Variants in TAF4B observed in about 807,000 individuals in gnomAD.
The protein encoded by TAF4B is TATA-box binding protein associated factor 4b.
Under a neutral mutation model 86.4 loss-of-function variants are expected in TAF4B, and 38 were observed. The ratio of observed to expected loss-of-function variants is 0.44; its 90% CI spans 0.34 to 0.58. The LOEUF (loss-of-function observed/expected upper bound fraction) is 0.58. Ranked by LOEUF, TAF4B falls within the 20% of genes least tolerant of loss-of-function variation. TAF4B has a pLI of 0.02. For synonymous variants in TAF4B, 388 were observed against 391.2 expected, an observed-to-expected ratio of 0.99 and a Z score of 0.10; for missense variants, 988 against 1,027.6, an observed-to-expected ratio of 0.96 and a Z score of 0.53.
rs115443182 is a variant in TAF4B, at chr18:26,321,195, T to C, written c.2128T>C (p.Tyr710His). The change falls in exon 11 of 15, where the codon TAC becomes CAC. Residue 710 changes from tyrosine (Y) to histidine (H), a missense_variant. Physicochemically the swap from Tyr to His is moderately conservative, Grantham distance 83 (BLOSUM62 2). Around this residue, in one of 3 missense-constraint regions of TAF4B, gnomAD observed 216 missense variants for 238.4 expected, o/e 0.91. Coordinates refer to ENST00000269142, the MANE Select transcript of TAF4B (RefSeq NM_005640.3). Reference sequence around the variant, plus strand: ...AATTGCTCAGCATCGAATGACTACTTACAAGGTAAAGGAAATCATTAAAGA... The same window carrying C: ...AATTGCTCAGCATCGAATGACTACTCACAAGGTAAAGGAAATCATTAAAGA... ...TAIAQHRMTT[Y>H]KASENYILCS... The C allele has an allele frequency of 7.0e-4, 1,133 of 1,613,558 alleles. 9 individuals are homozygous for C. The African/African-American group carries it at 0.014, about 19-fold the overall frequency.
chr18:26,297,514 CT>C (rs1238631687), intron 9 of TAF4B, among the ~76,000 whole-genome samples: 1 of 152,172 alleles, frequency 6.6e-6, no homozygotes, highest in East Asian at 1.9e-4. Context: ...TGCTTTCCCC[CT>C]GGCTTCTCTA....
Position 26,390,497 on chromosome 18 carries a change from T to C in TAF4B, c.*485T>C, listed in dbSNP as rs912028910. The C allele has an allele frequency of 6.5e-6, 1 of 152,822 alleles. No homozygotes were observed. The highest frequency in any genetic ancestry group is 2.4e-5 in the African/African-American group (1 of 41,460). The allele number at this position is 152,822 out of a possible 1,614,324, so 9.5% of individuals were successfully genotyped here. A position where few individuals can be genotyped will look rare whatever the true frequency, so the allele number is the denominator to read the frequency against. On this transcript the variant is annotated 3_prime_UTR_variant, in exon 15 of 15. Transcript: ENST00000269142. ...AGCTAACTATGACAGTCACCCTCTG[T>C]ACGTGACAGGCCACTGTGGTGACTT...
chr18:26,293,416 G>A lies in TAF4B; in HGVS notation c.1727-10G>A, dbSNP rs1403939448. ...TTTGTATTCTATTTTTTCTTGTTTTGTTTTTATAGCTTCCATTCTAAAGCA... is the reference window on the plus strand; with the variant it reads ...TTTGTATTCTATTTTTTCTTGTTTTATTTTTATAGCTTCCATTCTAAAGCA... On this transcript the variant is annotated splice_polypyrimidine_tract_variant and intron_variant, in intron 8 of 14. Coordinates refer to ENST00000269142, the MANE Select transcript of TAF4B (RefSeq NM_005640.3). The A allele has an allele frequency of 6.3e-7, 1 of 1,575,836 alleles. No homozygotes were observed. The highest frequency in any genetic ancestry group is 2.3e-5 in the East Asian group (1 of 44,010).
At chr18:26,349,623 A>G (rs570228100) in intron 13 of TAF4B, among the ~76,000 whole-genome samples, 43 of 152,360 alleles carry the variant, frequency 2.8e-4, no homozygotes, top group African/African-American at 9.1e-4. Flanking sequence ...CAATGACCAT[A>G]CTAGCCAAAG....
intron 13 of TAF4B, among the ~76,000 whole-genome samples, chr18:26,343,342 C>G (rs934113866): frequency 2.0e-5 from 3 of 152,192 alleles, no homozygotes; most frequent in Non-Finnish European, 4.4e-5. Context: ...CCTAGACCTA[C>G]TCCTGAACTA....
At chr18:26,278,168 C>T (rs2056404768) in intron 5 of TAF4B, among the ~76,000 whole-genome samples, 1 of 152,114 alleles carries the variant, frequency 6.6e-6, no homozygotes, top group South Asian at 2.1e-4. Flanking sequence ...TGATCTGCAA[C>T]AAAAATGCTC....
chr18:26,377,762 T>TCAGTAG (rs1465083450), intron 14 of TAF4B, among the ~76,000 whole-genome samples: 1 of 152,218 alleles, frequency 6.6e-6, no homozygotes, highest in Non-Finnish European at 1.5e-5. Context: ...ATTACTCCTC[T>TCAGTAG]CAGTAGTTTG....
At chr18:26,238,666 T>G (rs2055788205) in intron 1 of TAF4B, among the ~76,000 whole-genome samples, 1 of 152,162 alleles carries the variant, frequency 6.6e-6, no homozygotes, top group Non-Finnish European at 1.5e-5. Context: ...TGTATACATG[T>G]GCCATGTTGG....
chr18:26,334,391 T>G, intron 12 of TAF4B, among the ~76,000 whole-genome samples: 1 of 152,212 alleles, frequency 6.6e-6, no homozygotes, highest in Non-Finnish European at 1.5e-5. Context: ...GAACAAATAC[T>G]CAGATTTATA....
intron 9 of TAF4B, among the ~76,000 whole-genome samples, chr18:26,302,456 C>G (rs2056745623): frequency 1.4e-5 from 2 of 139,642 alleles, no homozygotes; most frequent in Admixed American, 7.9e-5. Flanking sequence ...CTCACTGCAA[C>G]CTCAAATTCC....
intron 9 of TAF4B, among the ~76,000 whole-genome samples, chr18:26,295,874 G>T (rs1235680160): frequency 1.3e-5 from 2 of 152,036 alleles, no homozygotes; most frequent in Non-Finnish European, 1.5e-5. Context: ...TGTTGTAAAG[G>T]TGGTGGTTCC....
intron 14 of TAF4B, among the ~76,000 whole-genome samples, chr18:26,369,454 C>T (rs1676984): frequency 0.93 from 141,905 of 152,314 alleles, 66,404 homozygotes; most frequent in East Asian, 0.99. Flanking sequence ...TGTGTCAAAC[C>T]AGCTAAGCTG....
chr18:26,230,605 GT>G (rs1189389637), intron 1 of TAF4B, among the ~76,000 whole-genome samples: 2 of 152,178 alleles, frequency 1.3e-5, no homozygotes, highest in Non-Finnish European at 2.9e-5. Flanking sequence ...GAAAGTGCTG[GT>G]GCTCCTCTCC....
At chr18:26,330,008 T>G (rs2057038300) in intron 12 of TAF4B, among the ~76,000 whole-genome samples, 1 of 152,162 alleles carries the variant, frequency 6.6e-6, no homozygotes, top group Non-Finnish European at 1.5e-5. Context: ...CTCACTATAT[T>G]GCCCAGGCTC....
intron 1 of TAF4B, among the ~76,000 whole-genome samples, chr18:26,236,490 G>A (rs968910909): frequency 6.6e-6 from 1 of 152,176 alleles, no homozygotes; most frequent in African/African-American, 2.4e-5. Context: ...GGATCATCTG[G>A]TCGGGGGCCT....
intron 12 of TAF4B, among the ~76,000 whole-genome samples, chr18:26,332,548 T>G (rs1281077029): frequency 6.6e-6 from 1 of 152,160 alleles, no homozygotes; most frequent in Non-Finnish European, 1.5e-5. Flanking sequence ...GTTATTGTTT[T>G]TGAGACGGAG....
chr18:26,383,745 A>G (rs894733917), intron 14 of TAF4B, among the ~76,000 whole-genome samples: 1 of 152,194 alleles, frequency 6.6e-6, no homozygotes, highest in Non-Finnish European at 1.5e-5. Context: ...TGAAACATAG[A>G]CATTTAGGAG....
In TAF4B at chr18:26,226,827, A is replaced by T; in HGVS notation, c.-107A>T. ...GCGGCCCCCGCGCCTCTCCCCAGCG[A>T]TGCTGTGGAACCCGAACCGCACCGG... On this transcript the variant is annotated 5_prime_UTR_variant, in exon 1 of 15. The change abolishes an upstream ATG in the 5' untranslated region. Coordinates refer to ENST00000269142, the MANE Select transcript of TAF4B (RefSeq NM_005640.3). The T allele has an allele frequency of 1.1e-6, 1 of 901,086 alleles. No individual in the cohort carries two copies. The highest frequency in any genetic ancestry group is 3.1e-5 in the South Asian group (1 of 32,670). The allele number at this position is 901,086 out of a possible 1,614,324, so 55.8% of individuals were successfully genotyped here.
intron 14 of TAF4B, among the ~76,000 whole-genome samples, chr18:26,358,860 T>C (rs1231054526): frequency 6.6e-6 from 1 of 152,244 alleles, no homozygotes; most frequent in Non-Finnish European, 1.5e-5. Context: ...AATTTAAATC[T>C]ACTTTGAGGC....
Sources: gnomAD v4.1 joint callset for allele counts (sites outside exome capture counted in the v4.1 genomes callset) on GRCh38, gnomAD v4.1.1 for gene constraint, gnomAD v4.1.1 regional missense constraint, MANE v1.5 for transcripts, NCBI Gene and HGNC (gene_info 2026-07-23, HGNC 2026-07-21) for gene names.